Variants in ZNF454 observed in about 807,000 individuals in gnomAD.
ZNF454 encodes zinc finger protein 454.
ZNF454 carries 30 observed loss-of-function variants against 48.2 expected under a neutral mutation model. That is an observed-to-expected ratio of 0.62 (90% CI 0.47 to 0.84). The LOEUF is 0.84. Ranked by LOEUF, ZNF454 falls within the 40% of genes least tolerant of loss-of-function variation. ZNF454 has a pLI of 0.00. For synonymous variants in ZNF454, 204 were observed against 211.4 expected (o/e 0.97, Z 0.30); for missense variants, 510 against 623.1 (o/e 0.82, Z 1.93).
chr5:178,988,425 G>A, the ZNF454 span, among the ~76,000 whole-genome samples: 107 of 152,202 alleles, frequency 7.0e-4, no homozygotes, highest in African/African-American at 2.5e-3. This position sits in a 1 kb window ranked among gnomAD's most constrained non-coding sequence, Gnocchi z 6.0. Flanking sequence ...TCCACAAACC[G>A]TGGACAGAGC....
the ZNF454 span, chr5:178,985,356 A>G: frequency 9.4e-6 from 4 of 424,280 alleles, no homozygotes; most frequent in South Asian, 6.7e-5. Flanking sequence ...TGGCGGCCCT[A>G]ACTGAGCTGC....
chr5:178,985,864 C>T, the ZNF454 span: 288 of 549,906 alleles, frequency 5.2e-4, 2 homozygotes, highest in Non-Finnish European at 7.8e-4. Context: ...TGGGCTCAAG[C>T]GATCCTCCTA....
the ZNF454 span, chr5:178,983,109 AT>A: frequency 6.2e-7 from 1 of 1,614,008 alleles, no homozygotes; most frequent in African/African-American, 1.3e-5. Context: ...CAGATCCGAC[AT>A]GTCGCACTTG....
chr5:178,986,715 C>T, the ZNF454 span: 2 of 1,604,858 alleles, frequency 1.2e-6, no homozygotes, highest in Admixed American at 3.3e-5. Context: ...GAGACGAGGG[C>T]ACCTCGTGGG....
chr5:178,983,166 T>C, the ZNF454 span: 12 of 1,613,768 alleles, frequency 7.4e-6, no homozygotes, highest in South Asian at 9.9e-5. Flanking sequence ...CTGTTCCTCA[T>C]AGTCAATCAC....
the ZNF454 span, chr5:178,982,684 G>A: frequency 0.055 from 20,788 of 376,292 alleles, 991 homozygotes; most frequent in East Asian, 0.19. Flanking sequence ...TCAAAGAAAT[G>A]AAAATGATAA....
Position 178,951,869 on chromosome 5 carries a change from T to C in ZNF454, c.250+4883T>C, listed in dbSNP as rs537781146. Reference sequence around the variant, plus strand: ...GATATTCTCAGATTGATCATCAAATTAGTTGTTCCAAATTATACTAACAGT... The same window carrying C: ...GATATTCTCAGATTGATCATCAAATCAGTTGTTCCAAATTATACTAACAGT... On this transcript the variant is annotated intron_variant, in intron 4 of 4. Coordinates refer to ENST00000519564, the MANE Select transcript of ZNF454 (RefSeq NM_001178089.3). 1.1e-4 allele frequency among the ~76,000 whole-genome samples: 16 copies of C among 152,322 alleles called. No homozygotes were observed. In the East Asian group the frequency reaches 2.7e-3, roughly 26 times the overall value.
chr5:178,986,696 G>A, the ZNF454 span: 1 of 1,604,650 alleles, frequency 6.2e-7, no homozygotes, highest in Non-Finnish European at 8.5e-7. Context: ...CCGCAGGGCA[G>A]GCTGCACAGA....
the ZNF454 span, among the ~76,000 whole-genome samples, chr5:178,972,668 C>T: frequency 7.2e-5 from 11 of 152,196 alleles, no homozygotes; most frequent in African/African-American, 2.7e-4. Context: ...AGGCCCGACG[C>T]AGCTGAGGCT....
intron 1 of ZNF454, 85 bp from the exon 2 acceptor site, chr5:178,942,600 A>G: frequency 1.8e-6 from 1 of 557,418 alleles, no homozygotes; most frequent in Non-Finnish European, 3.2e-6. Context: ...TGCTTGGGGT[A>G]CTGGAGGCCT....
the ZNF454 span, chr5:178,980,599 T>C: frequency 6.5e-6 from 1 of 154,342 alleles, no homozygotes; most frequent in Non-Finnish European, 1.5e-5. This position sits in a 1 kb window ranked among gnomAD's most constrained non-coding sequence, Gnocchi z 4.3. Context: ...CACGTGTATC[T>C]GAATTTCTTC....
At position 178,964,841 on chromosome 5, in the gene ZNF454, A is replaced by C. The variant is rs1561708215; in HGVS notation, c.437A>C (p.Asn146Thr). The C allele has an allele frequency of 1.2e-6, 2 of 1,614,196 alleles. No homozygotes were observed. Among genetic ancestry groups the C allele is most frequent in the Non-Finnish European group, 1.7e-6 (2 of 1,180,026 alleles). ...CAGCGAGTGGTACTCACTCACCCCA[A>C]CACCCCATCACAGGAATGTGATGAA... ...SLQRVVLTHP[N>T]TPSQECDESG... Residue 146 changes from asparagine to threonine, a missense_variant, in exon 5 of 5, where the codon AAC becomes ACC. Physicochemically the swap from Asn to Thr is moderately conservative, Grantham distance 65. Around this residue, in one of 3 missense-constraint regions of ZNF454, gnomAD observed 354 missense variants for 408.9 expected, o/e 0.87. Coordinates refer to ENST00000519564, the MANE Select transcript of ZNF454 (RefSeq NM_001178089.3).
intron 2 of ZNF454, among the ~76,000 whole-genome samples, chr5:178,945,957 C>G (rs1759312490): frequency 1.3e-5 from 2 of 152,114 alleles, no homozygotes; most frequent in Admixed American, 1.3e-4. Flanking sequence ...TAGGAGCCAT[C>G]AGGGAAGGCT....
chr5:178,953,229 C>T (rs1759626124), intron 4 of ZNF454, among the ~76,000 whole-genome samples: 1 of 152,012 alleles, frequency 6.6e-6, no homozygotes, highest in Non-Finnish European at 1.5e-5. Context: ...CATTCGCTGT[C>T]CTCTCGGTTG....
At chr5:178,982,692 T>A in the ZNF454 span, 24 of 432,646 alleles carry the variant, frequency 5.5e-5, no homozygotes, top group Middle Eastern at 6.2e-4. Flanking sequence ...ATGAAAATGA[T>A]AAAAAAAAAA....
the ZNF454 span, chr5:178,989,716 A>G: frequency 4.3e-6 from 2 of 466,786 alleles, no homozygotes; most frequent in Non-Finnish European, 7.9e-6. Context: ...CATTTGAAAG[A>G]CTTTTATCCC....
Position 178,942,761 on chromosome 5 carries a change from G to A in ZNF454, c.-31G>A. The stretch of plus-strand genomic sequence containing the variant: ...CACCTGCCTCCATAGCACTTTGCCT[G>A]TCCCTAAGAGGGCTCATCGGAGAAG... On this transcript the variant is annotated 5_prime_UTR_variant, in exon 2 of 5. Transcript: ENST00000519564. The A allele has an allele frequency of 1.2e-6, 2 of 1,613,954 alleles. No homozygotes were observed. The highest frequency in any genetic ancestry group is 1.7e-6 in the Non-Finnish European group (2 of 1,179,956).
At chr5:178,979,712 T>C in the ZNF454 span, 1 of 152,198 alleles carries the variant, frequency 6.6e-6, no homozygotes, top group South Asian at 2.1e-4. Context: ...TGTAAAACTG[T>C]GGAAAAGTTT....
At chr5:178,989,846 A>G in the ZNF454 span, 1 of 298,378 alleles carries the variant, frequency 3.4e-6, no homozygotes, top group Non-Finnish European at 6.5e-6. Flanking sequence ...GGAATGGTGG[A>G]ACAAAGGAAT....
Sources: gnomAD v4.1 joint callset for allele counts (sites outside exome capture counted in the v4.1 genomes callset) on GRCh38, gnomAD v4.1.1 for gene constraint, gnomAD v4.1.1 regional missense constraint, Gnocchi (gnomAD v3.1) non-coding constraint, MANE v1.5 for transcripts, NCBI Gene and HGNC (gene_info 2026-07-23, HGNC 2026-07-21) for gene names.